Variants in DHX30 observed in about 807,000 individuals in gnomAD.
The protein encoded by DHX30 is DExH-box helicase 30.
In DHX30, 4 loss-of-function variants were observed where a neutral mutation model predicts 116.9. The observed-to-expected ratio is 0.03, with a 90% CI of 0.02 to 0.08. The LOEUF is 0.08. DHX30 is among the 10% of genes least tolerant of loss of function. The pLI is 1.00. For synonymous variants in DHX30, 697 were observed against 651.7 expected (o/e 1.07, Z -1.06); for missense variants, 871 against 1,595.1 (o/e 0.55, Z 7.73).
In DHX30 at chr3:47,840,185, G is replaced by C. The variant is rs2037306747; in HGVS notation, c.367-692G>C. Among the ~76,000 whole-genome samples the C allele has an allele frequency of 2.7e-5, 4 of 150,620 alleles. No individual in the cohort carries two copies. In the South Asian group the frequency reaches 8.4e-4, roughly 32 times the overall value. ...CTAATTTTTTTGTATTTTTAGTAGA[G>C]ACAGGGTTTCACCGTGTTGGCCAGG... is the stretch of plus-strand genomic sequence containing the variant. On this transcript the variant is annotated intron_variant, in intron 6 of 21. Coordinates refer to ENST00000445061, the MANE Select transcript of DHX30 (RefSeq NM_138615.3).
intron 1 of DHX30, among the ~76,000 whole-genome samples, chr3:47,804,569 A>G (rs1472422359): frequency 6.6e-6 from 1 of 152,208 alleles, no homozygotes; most frequent in Non-Finnish European, 1.5e-5. Context: ...ACAAAACAAA[A>G]CAAAAACCAC....
chr3:47,836,144 GTCTTTC>G (rs1314362077), intron 6 of DHX30, among the ~76,000 whole-genome samples: 2 of 152,228 alleles, frequency 1.3e-5, no homozygotes, highest in African/African-American at 4.8e-5. Flanking sequence ...TTGAGATGGA[GTCTTTC>G]TCTTTCGCCC....
intron 3 of DHX30, among the ~76,000 whole-genome samples, chr3:47,814,559 C>A (rs1042044180): frequency 1.3e-5 from 2 of 151,994 alleles, no homozygotes; most frequent in African/African-American, 4.8e-5. Flanking sequence ...TGAGAGCAGC[C>A]TGGACAGCAT....
intron 1 of DHX30, among the ~76,000 whole-genome samples, chr3:47,803,492 G>A (rs957654904): frequency 9.2e-5 from 14 of 152,190 alleles, no homozygotes; most frequent in Non-Finnish European, 1.9e-4. Flanking sequence ...CGCAGCCAGG[G>A]GCTCCGCGGA....
intron 3 of DHX30, among the ~76,000 whole-genome samples, chr3:47,813,063 G>A (rs2035874480): frequency 6.6e-6 from 1 of 151,488 alleles, no homozygotes; most frequent in Middle Eastern, 3.2e-3. Context: ...GTCTTGCCGG[G>A]CGCGGTGGCT....
intron 3 of DHX30, among the ~76,000 whole-genome samples, chr3:47,813,846 T>A (rs976075598): frequency 6.6e-6 from 1 of 151,248 alleles, no homozygotes; most frequent in Non-Finnish European, 1.5e-5. Flanking sequence ...AGCCACTCCA[T>A]CTGTTTTCAT....
Position 47,847,637 on chromosome 3 carries a change from C to A in DHX30, c.2110+101C>A, listed in dbSNP as rs960221299. 2.1e-6 allele frequency: 3 copies of A among 1,451,520 alleles called. No individual in the cohort carries two copies. The highest frequency in any genetic ancestry group is 2.3e-5 in the Admixed American group (1 of 43,688). The allele number at this position is 1,451,520 out of a possible 1,614,324, so 89.9% of individuals were successfully genotyped here. A position where few individuals can be genotyped will look rare whatever the true frequency, so the allele number is the denominator to read the frequency against. ...GACTCCAGGGGCCCCGGTTTCTGAC[C>A]AAGCTGTGGCACTTTTCACTGGGCA... On this transcript the variant is annotated intron_variant, in intron 13 of 21. Coordinates refer to ENST00000445061, the MANE Select transcript of DHX30 (RefSeq NM_138615.3). This position sits in a 1 kb window ranked among gnomAD's most constrained non-coding sequence, Gnocchi z 5.5.
intron 9 of DHX30, chr3:47,845,477 G>A (rs563384645): frequency 4.5e-5 from 19 of 426,370 alleles, no homozygotes; most frequent in East Asian, 2.7e-4. Context: ...GTGAGCCACC[G>A]CGCCCGGCCT....
intron 6 of DHX30, among the ~76,000 whole-genome samples, chr3:47,836,019 G>C (rs2037098997): frequency 6.6e-6 from 1 of 152,226 alleles, no homozygotes. Flanking sequence ...GCCCCCTATA[G>C]CAAAGAATTA....
intron 3 of DHX30, among the ~76,000 whole-genome samples, chr3:47,815,636 C>T (rs886797531): frequency 3.4e-5 from 5 of 147,346 alleles, no homozygotes; most frequent in Admixed American, 7.0e-5. Flanking sequence ...ACTGCCCTTG[C>T]GAGCATCTTA....
intron 2 of DHX30, among the ~76,000 whole-genome samples, chr3:47,808,834 C>A (rs2035651525): frequency 6.6e-6 from 1 of 151,880 alleles, no homozygotes; most frequent in African/African-American, 2.4e-5. Flanking sequence ...ACCTCAGCCT[C>A]CCAAAGTGCT....
intron 6 of DHX30, among the ~76,000 whole-genome samples, chr3:47,831,406 A>T (rs2036843083): frequency 6.6e-6 from 1 of 152,102 alleles, no homozygotes; most frequent in Non-Finnish European, 1.5e-5. Context: ...CACCTTTGTC[A>T]TTGGGGATCA....
At chr3:47,845,596 A>G in intron 9 of DHX30, 104 bp from the exon 10 acceptor site, 18 of 1,307,370 alleles carry the variant, frequency 1.4e-5, no homozygotes, top group Non-Finnish European at 1.7e-5. Context: ...AAAATCTCTT[A>G]GAGATTACTT....
At chr3:47,844,709 C>G (rs962400114) in intron 9 of DHX30, among the ~76,000 whole-genome samples, 12 of 152,186 alleles carry the variant, frequency 7.9e-5, no homozygotes, top group Non-Finnish European at 1.5e-4. Flanking sequence ...TTAGAGGTGA[C>G]AGGAACACAA....
intron 8 of DHX30, chr3:47,842,810 CT>C (rs1430009122): frequency 3.4e-6 from 1 of 295,666 alleles, no homozygotes; most frequent in African/African-American, 2.2e-5. Context: ...CAACCCACAG[CT>C]GCCACGATGT....
rs1254926834 is a variant in DHX30, at chr3:47,850,031, G to A, written c.3496G>A (p.Glu1166Lys). The A allele has an allele frequency of 6.2e-7, 1 of 1,607,722 alleles. No homozygotes were observed. Residue 1166 changes from glutamate to lysine, a missense_variant, in exon 22 of 22, where the codon GAG (glutamate) becomes AAG (lysine). By Grantham distance (56) the Glu-to-Lys change is moderately conservative. This residue lies in a region of DHX30 where 52 missense variants were observed against 50.1 expected (regional missense o/e 1.04). Transcript: ENST00000445061. ...ELAALPPSVQ[E>K]EHGQLLALLA... ...GGCTGCACTTCCCCCCAGCGTACAG[G>A]AGGAGCACGGGCAGCTGCTTGCGCT...
chr3:47,849,155 A>AG (rs1418149015), intron 18 of DHX30, 37 bp from the exon 19 acceptor site: 1 of 1,613,202 alleles, frequency 6.2e-7, no homozygotes, highest in African/African-American at 1.3e-5. Context: ...GCCTGTGGCT[A>AG]GGGGCTGTAG....
intron 3 of DHX30, 43 bp downstream of exon 3, chr3:47,810,754 T>A: frequency 6.3e-7 from 1 of 1,584,730 alleles, no homozygotes; most frequent in Non-Finnish European, 8.7e-7. Context: ...CCTTCCTTAT[T>A]GGGATGGGCA....
chr3:47,808,992 G>A (rs1305676452), intron 2 of DHX30, among the ~76,000 whole-genome samples: 5 of 151,694 alleles, frequency 3.3e-5, no homozygotes, highest in Non-Finnish European at 7.4e-5. Flanking sequence ...GGATTCAAGC[G>A]ATTCTCCTGC....
Sources: allele counts gnomAD v4.1 joint callset (sites outside exome capture counted in the v4.1 genomes callset), GRCh38; gene constraint gnomAD v4.1.1; regional missense constraint gnomAD v4.1.1; non-coding constraint Gnocchi (gnomAD v3.1); transcripts MANE v1.5; gene names NCBI Gene and HGNC (gene_info 2026-07-23, HGNC 2026-07-21).